TNIP1: variants seen among roughly 807,000 people sequenced by gnomAD.
TNIP1 encodes TNFAIP3-interacting protein 1.
Under a neutral mutation model 86.6 loss-of-function variants are expected in TNIP1, and 22 were observed. That is an observed-to-expected ratio of 0.25 (90% confidence interval 0.18 to 0.36). The LOEUF is 0.36. Ranked by LOEUF, TNIP1 falls within the 10% of genes least tolerant of loss-of-function variation. TNIP1 has a pLI of 1.00. For missense variants in TNIP1, 709 were observed against 820.6 expected, an observed-to-expected ratio of 0.86 and a Z score of 1.66; for synonymous variants, 294 against 313.0, an observed-to-expected ratio of 0.94 and a Z score of 0.64.
At chr5:151,040,725 T>G (rs1656214996) in intron 11 of TNIP1, among the ~76,000 whole-genome samples, 1 of 152,180 alleles carries the variant, frequency 6.6e-6, no homozygotes, top group African/African-American at 2.4e-5. Flanking sequence ...GTCACAGACG[T>G]AGGCTGACTG....
At chr5:151,080,570 G>A (rs1003185190) in intron 1 of TNIP1, among the ~76,000 whole-genome samples, 5 of 152,232 alleles carry the variant, frequency 3.3e-5, no homozygotes, top group African/African-American at 1.2e-4. Context: ...CCACAGGATA[G>A]ACACCCAAAG....
chr5:151,050,078 C>T, intron 7 of TNIP1, 131 bp from the exon 8 acceptor site: 2 of 1,455,420 alleles, frequency 1.4e-6, no homozygotes, highest in Non-Finnish European at 1.8e-6. Context: ...TGAAACCTGC[C>T]CTCCTGGAAA....
At chr5:151,050,121 C>T (rs189304727) in intron 7 of TNIP1, among the ~76,000 whole-genome samples, 174 bp from the exon 8 acceptor site, 96 of 152,328 alleles carry the variant, frequency 6.3e-4, no homozygotes, top group African/African-American at 2.0e-3. Flanking sequence ...ACCTTGCTCT[C>T]AATCTGTGGA....
At chr5:151,076,123 A>G (rs1169932141) in intron 1 of TNIP1, among the ~76,000 whole-genome samples, 1 of 152,210 alleles carries the variant, frequency 6.6e-6, no homozygotes, top group East Asian at 1.9e-4. Context: ...TCCAATCTGA[A>G]GAGTGACTGT....
At chr5:151,059,887 G>A (rs908516700) in intron 5 of TNIP1, among the ~76,000 whole-genome samples, 4 of 147,074 alleles carry the variant, frequency 2.7e-5, no homozygotes, top group Admixed American at 2.1e-4. Context: ...GCGCGCATGC[G>A]TGTAAGTGGA....
rs78501852 is a variant in TNIP1, at chr5:151,063,512, C to A, written c.271+101G>T. ...GGGTAGCCTGTGACCTAAGGATAAA[C>A]GAGAGAATGTGGGTTTTGGCATAAG... On this transcript the variant is annotated intron_variant, in intron 3 of 17. Coordinates refer to ENST00000521591, the MANE Select transcript of TNIP1 (RefSeq NM_006058.5). The A allele has an allele frequency of 5.4e-5, 81 of 1,511,898 alleles. No individual in the cohort carries two copies. In the African/African-American group the frequency reaches 1.0e-3, roughly 19 times the overall value. 93.7% of individuals were successfully genotyped at this position (1,511,898 alleles called of 1,614,324 possible). A position where few individuals can be genotyped will look rare whatever the true frequency, so the allele number is the denominator to read the frequency against.
intron 1 of TNIP1, among the ~76,000 whole-genome samples, chr5:151,078,923 C>T (rs1349270735): frequency 6.6e-6 from 1 of 152,190 alleles, no homozygotes; most frequent in Non-Finnish European, 1.5e-5. Context: ...CCAACCAGGA[C>T]ATCCGGGCCC....
intron 5 of TNIP1, among the ~76,000 whole-genome samples, chr5:151,057,991 A>C (rs1760901374): frequency 6.6e-6 from 1 of 152,134 alleles, no homozygotes; most frequent in South Asian, 2.1e-4. Flanking sequence ...ATCTGCATAT[A>C]CGTCCTGCAA....
At chr5:151,079,637 A>G (rs1763781249) in intron 1 of TNIP1, among the ~76,000 whole-genome samples, 2 of 149,676 alleles carry the variant, frequency 1.3e-5, no homozygotes, top group Non-Finnish European at 3.0e-5. Context: ...AAAAAAAAAG[A>G]TTAAATGAGA....
upstream of TNIP1, among the ~76,000 whole-genome samples, chr5:151,083,187 G>A (rs1270040353): frequency 6.6e-6 from 1 of 152,200 alleles, no homozygotes; most frequent in Non-Finnish European, 1.5e-5. Context: ...TTACTACCTG[G>A]GTGGCCCCTC....
At chr5:151,053,913 G>T (rs1760308743) in intron 6 of TNIP1, among the ~76,000 whole-genome samples, 1 of 152,252 alleles carries the variant, frequency 6.6e-6, no homozygotes, top group Admixed American at 6.5e-5. Flanking sequence ...TCAGAGAAGG[G>T]AGAGAGATGG....
intron 8 of TNIP1, chr5:151,046,476 A>G (rs1759181164): frequency 1.3e-5 from 2 of 153,626 alleles, no homozygotes; most frequent in South Asian, 4.0e-4. Context: ...GATGTTTCCC[A>G]GCTCTGTCCT....
chr5:151,059,822 A>AGTGTGTGT (rs1761218919), intron 5 of TNIP1, among the ~76,000 whole-genome samples: 2 of 86,496 alleles, frequency 2.3e-5, no homozygotes, highest in East Asian at 1.2e-3. Flanking sequence ...AGAGAGAGAG[A>AGTGTGTGT]GAGAGAGTGT....
chr5:151,059,828 A>AGAGAGAGAGAGTGT (rs1554076446), intron 5 of TNIP1, among the ~76,000 whole-genome samples: 48 of 56,356 alleles, frequency 8.5e-4, no homozygotes, highest in Non-Finnish European at 1.1e-3. Context: ...AGAGAGAGAG[A>AGAGAGAGAGAGTGT]GTGTGTGTGT....
intron 5 of TNIP1, 50 bp downstream of exon 5, chr5:151,060,268 G>A: frequency 6.3e-7 from 1 of 1,594,280 alleles, no homozygotes; most frequent in Non-Finnish European, 8.6e-7. Flanking sequence ...CAAGTGACAG[G>A]ACACAAAGAG....
intron 3 of TNIP1, among the ~76,000 whole-genome samples, chr5:151,062,660 G>A (rs544037164): frequency 1.3e-5 from 2 of 152,250 alleles, no homozygotes; most frequent in South Asian, 4.2e-4. Flanking sequence ...ACTGAGACTT[G>A]GCCCTCCCTC....
chr5:151,034,020 G>T (rs1259391385), intron 15 of TNIP1, among the ~76,000 whole-genome samples: 1 of 152,212 alleles, frequency 6.6e-6, no homozygotes. Context: ...GGCATGGAAG[G>T]CTGGGTACAC....
Position 151,029,963 on chromosome 5 carries a change from G to A in TNIP1, c.*750C>T. The A allele has an allele frequency of 2.3e-6, 1 of 426,030 alleles. No homozygotes were observed. Among genetic ancestry groups the A allele is most frequent in the Non-Finnish European group, 4.9e-6 (1 of 204,760 alleles). The allele number at this position is 426,030 out of a possible 1,614,324, so 26.4% of individuals were successfully genotyped here. A position where few individuals can be genotyped will look rare whatever the true frequency, so the allele number is the denominator to read the frequency against. On this transcript the variant is annotated 3_prime_UTR_variant, in exon 18 of 18. Coordinates refer to ENST00000521591, the MANE Select transcript of TNIP1 (RefSeq NM_006058.5). ...CAGAATGTTGATCTTCTTCAACTTG[G>A]ATTTATGTCCATGATTCGTGCAAAT...
chr5:151,042,769 C>G (rs1339358492), intron 10 of TNIP1, 98 bp from the exon 11 acceptor site: 55 of 1,594,708 alleles, frequency 3.4e-5, no homozygotes, highest in Non-Finnish European at 4.6e-5. Context: ...CCAACACTGC[C>G]CCCAACTTCT....
Sources: gnomAD v4.1 joint callset for allele counts (sites outside exome capture counted in the v4.1 genomes callset) on GRCh38, gnomAD v4.1.1 for gene constraint, MANE v1.5 for transcripts, NCBI Gene and HGNC (gene_info 2026-07-23, HGNC 2026-07-21) for gene names.